The following CRPPA variants were observed in gnomAD, a reference collection of about 807,000 sequenced individuals.
The protein encoded by CRPPA is D-ribitol-5-phosphate cytidylyltransferase.
In CRPPA, 43 loss-of-function variants were observed where a neutral mutation model predicts 52.0. The observed-to-expected ratio is 0.83, with a 90% CI of 0.65 to 1.07. CRPPA has a LOEUF of 1.07. Among genes scored for constraint, CRPPA ranks in the 50% least tolerant of loss-of-function variants. The probability of loss-of-function intolerance (pLI) is 0.00; values close to 1 mark genes in which losing one functional copy is unlikely to be tolerated. For synonymous variants in CRPPA, 250 were observed against 203.5 expected (o/e 1.23, Z -1.94); for missense variants, 629 against 551.7 (o/e 1.14, Z -1.40).
intron 9 of CRPPA, among the ~76,000 whole-genome samples, chr7:16,136,392 A>G (rs1181970577): frequency 6.6e-6 from 1 of 152,204 alleles, no homozygotes; most frequent in Non-Finnish European, 1.5e-5. Flanking sequence ...GAGGAAAATA[A>G]ACTTCACAAA....
At position 16,308,615 on chromosome 7, in the gene CRPPA, CA is replaced by C. The variant is rs745661431; in HGVS notation, c.696del (p.Tyr232Ter). 5 of 1,599,736 alleles carry C rather than the reference CA, an allele frequency of 3.1e-6. No individual in the cohort carries two copies. ...IYEAYQQCSD[Y>X]DLEFGTECLQ... ...AAACACTCAGTTCCAAATTCCAAGT[CA>C]TAGTCACTACACTGGTGTGGAAACA... is the stretch of plus-strand genomic sequence containing the variant. On this transcript the variant is annotated frameshift_variant, in exon 4 of 10. Transcript: ENST00000407010. LOFTEE classifies it high-confidence loss of function.
chr7:16,279,507 C>G (rs778415295), intron 5 of CRPPA, among the ~76,000 whole-genome samples: 1 of 151,904 alleles, frequency 6.6e-6, no homozygotes, highest in African/African-American at 2.4e-5. Context: ...GGATTCAAAT[C>G]CAAAAAAATA....
chr7:16,165,782 T>G (rs563299469), intron 9 of CRPPA, among the ~76,000 whole-genome samples: 38 of 152,326 alleles, frequency 2.5e-4, no homozygotes, highest in African/African-American at 8.2e-4. Flanking sequence ...CACCCAAATA[T>G]TATAAAAAGG....
intron 3 of CRPPA, among the ~76,000 whole-genome samples, chr7:16,366,590 C>T (rs1786595005): frequency 6.6e-6 from 1 of 151,944 alleles, no homozygotes; most frequent in African/African-American, 2.4e-5. Context: ...GTAATTTATG[C>T]TTTTAGGCTA....
chr7:16,274,110 C>T (rs1262084245), intron 6 of CRPPA, among the ~76,000 whole-genome samples: 3 of 152,226 alleles, frequency 2.0e-5, no homozygotes, highest in East Asian at 1.9e-4. Flanking sequence ...AGTGCAGCGG[C>T]GCGATCTCGG....
At chr7:16,229,861 A>T (rs1782745372) in intron 8 of CRPPA, among the ~76,000 whole-genome samples, 1 of 152,052 alleles carries the variant, frequency 6.6e-6, no homozygotes, top group African/African-American at 2.4e-5. Flanking sequence ...TGTCCAGGAA[A>T]GTATTCATCT....
intron 3 of CRPPA, among the ~76,000 whole-genome samples, chr7:16,365,201 C>T (rs1403258492): frequency 6.6e-6 from 1 of 152,184 alleles, no homozygotes; most frequent in Non-Finnish European, 1.5e-5. Context: ...CTCCCTGTGA[C>T]TGAAGGAGCT....
chr7:16,182,346 G>A (rs1781428704), intron 9 of CRPPA, among the ~76,000 whole-genome samples: 1 of 151,974 alleles, frequency 6.6e-6, no homozygotes, highest in African/African-American at 2.4e-5. Flanking sequence ...GGGGATGTTG[G>A]TAAATAAGCC....
intron 3 of CRPPA, among the ~76,000 whole-genome samples, chr7:16,340,628 G>A (rs527344514): frequency 4.2e-4 from 58 of 138,230 alleles, no homozygotes; most frequent in African/African-American, 1.3e-3. Context: ...AAAAAAAAAC[G>A]AAAAAACCAA....
At chr7:16,402,618 C>T (rs1253641338) in intron 2 of CRPPA, among the ~76,000 whole-genome samples, 1 of 151,488 alleles carries the variant, frequency 6.6e-6, no homozygotes, top group African/African-American at 2.4e-5. Context: ...ATTAATCGTA[C>T]ATGATAAGGG....
At chr7:16,342,038 C>T (rs1445871625) in intron 3 of CRPPA, among the ~76,000 whole-genome samples, 4 of 152,128 alleles carry the variant, frequency 2.6e-5, no homozygotes, top group African/African-American at 9.7e-5. Flanking sequence ...GCTGCACATA[C>T]TCTATTTCTG....
At chr7:16,385,481 T>C (rs1453150085) in intron 2 of CRPPA, among the ~76,000 whole-genome samples, 2 of 152,170 alleles carry the variant, frequency 1.3e-5, no homozygotes, top group Admixed American at 6.5e-5. Flanking sequence ...TAGATGGCAG[T>C]GGGGTAATAG....
At chr7:16,306,443 A>G (rs1015048346) in intron 4 of CRPPA, among the ~76,000 whole-genome samples, 8 of 152,312 alleles carry the variant, frequency 5.3e-5, no homozygotes, top group African/African-American at 1.9e-4. Context: ...GAGAAATATA[A>G]ACACCTCACC....
chr7:16,333,705 T>A (rs1371253831), intron 3 of CRPPA, among the ~76,000 whole-genome samples: 1 of 152,140 alleles, frequency 6.6e-6, no homozygotes, highest in Non-Finnish European at 1.5e-5. Context: ...AATGGATCTG[T>A]GACATCAGCA....
intron 9 of CRPPA, among the ~76,000 whole-genome samples, chr7:16,165,667 A>G (rs1216539295): frequency 1.3e-5 from 2 of 152,220 alleles, no homozygotes; most frequent in African/African-American, 4.8e-5. Context: ...TTCCTTATAA[A>G]ATACTTAGAA....
At chr7:16,198,783 G>A (rs1781790289) in intron 9 of CRPPA, among the ~76,000 whole-genome samples, 1 of 151,038 alleles carries the variant, frequency 6.6e-6, no homozygotes, top group African/African-American at 2.4e-5. Flanking sequence ...AAACTCCTGG[G>A]CTCACGCAAT....
chr7:16,397,258 G>C (rs901356527), intron 2 of CRPPA, among the ~76,000 whole-genome samples: 1 of 152,310 alleles, frequency 6.6e-6, no homozygotes, highest in East Asian at 1.9e-4. Flanking sequence ...ATGTACACAT[G>C]ACCAACACAA....
At chr7:16,325,242 G>A (rs1354856644) in intron 3 of CRPPA, among the ~76,000 whole-genome samples, 2 of 152,160 alleles carry the variant, frequency 1.3e-5, no homozygotes, top group Admixed American at 6.5e-5. Context: ...TAAATGCTAT[G>A]TACTCCTTCT....
At chr7:16,246,199 C>T (rs535933372) in intron 8 of CRPPA, among the ~76,000 whole-genome samples, 2 of 152,274 alleles carry the variant, frequency 1.3e-5, no homozygotes, top group South Asian at 2.1e-4. Flanking sequence ...GTCATTCCAA[C>T]AACGTTCACA....
Sources: allele counts gnomAD v4.1 joint callset (sites outside exome capture counted in the v4.1 genomes callset), GRCh38; gene constraint gnomAD v4.1.1; transcripts MANE v1.5; gene names NCBI Gene and HGNC (gene_info 2026-07-23, HGNC 2026-07-21).